RFX6: variants seen among roughly 807,000 people sequenced by gnomAD.
The protein encoded by RFX6 is DNA-binding protein RFX6.
RFX6 carries 50 observed loss-of-function variants against 110.8 expected under a neutral mutation model. The ratio of observed to expected loss-of-function variants is 0.45; its 90% CI spans 0.36 to 0.57. The LOEUF (loss-of-function observed/expected upper bound fraction) is 0.57, where lower values mean the gene tolerates loss of function less well. Among genes scored for constraint, RFX6 ranks in the 20% least tolerant of loss-of-function variants. The pLI is 0.00. For synonymous variants in RFX6, 383 were observed against 411.2 expected, an observed-to-expected ratio of 0.93 and a Z score of 0.83; for missense variants, 990 against 1,127.0, an observed-to-expected ratio of 0.88 and a Z score of 1.74.
Position 116,895,195 on chromosome 6 carries a change from G to C in RFX6, c.660G>C (p.Lys220Asn). ...GKGLTRFSGS[K>N]LKNEGGFTRK... Reference sequence around the variant, plus strand: ...ATTTTTTAAGGTTTTCTGGAAGCAAGCTAAAGAATGAGGTAAGAATTATTT... The same window carrying C: ...ATTTTTTAAGGTTTTCTGGAAGCAACCTAAAGAATGAGGTAAGAATTATTT... Residue 220 changes from lysine (K) to asparagine (N), a missense_variant, in exon 6 of 19, where the codon AAG becomes AAC. Lys to Asn is a moderately conservative substitution (Grantham distance 94). Around this residue, in one of 5 missense-constraint regions of RFX6, gnomAD observed 243 missense variants for 353.1 expected, o/e 0.69. Coordinates refer to ENST00000332958, the MANE Select transcript of RFX6 (RefSeq NM_173560.4). 3 of 1,480,870 alleles carry C rather than the reference G, an allele frequency of 2.0e-6. No homozygotes were observed. Among genetic ancestry groups the C allele is most frequent in the Non-Finnish European group, 2.8e-6 (3 of 1,060,582 alleles). 91.7% of individuals were successfully genotyped at this position (1,480,870 alleles called of 1,614,324 possible). A position where few individuals can be genotyped will look rare whatever the true frequency, so the allele number is the denominator to read the frequency against.
chr6:116,916,059 A>G lies in RFX6; in HGVS notation c.832A>G (p.Asn278Asp). The G allele has an allele frequency of 6.2e-7, 1 of 1,610,614 alleles. No individual in the cohort carries two copies. The highest frequency in any genetic ancestry group is 8.5e-7 in the Non-Finnish European group (1 of 1,177,030). ...AACTCACTGCCAGTGTATCCTGGAC[A>G]ATGCAATTAATGGAAACTTTGAAGA... is the stretch of plus-strand genomic sequence containing the variant. ...YKTHCQCILD[N>D]AINGNFEEIQ... The change falls in exon 8 of 19, where the codon AAT becomes GAT. Residue 278 changes from asparagine (N) to aspartate (D), a missense_variant. Coordinates refer to ENST00000332958, the MANE Select transcript of RFX6 (RefSeq NM_173560.4).
chr6:116,926,106 C>G (rs1232728872), intron 16 of RFX6, among the ~76,000 whole-genome samples: 2 of 152,070 alleles, frequency 1.3e-5, no homozygotes, highest in African/African-American at 2.4e-5. Flanking sequence ...CACCTGAGGT[C>G]AGGAGTTTGA....
chr6:116,895,200 A>C lies in RFX6; in HGVS notation c.665A>C (p.Lys222Thr). 3 of 1,478,178 alleles carry C rather than the reference A, an allele frequency of 2.0e-6. No individual in the cohort carries two copies. Among genetic ancestry groups the C allele is most frequent in the Non-Finnish European group, 2.8e-6 (3 of 1,057,926 alleles). The allele number at this position is 1,478,178 out of a possible 1,614,324, so 91.6% of individuals were successfully genotyped here. A position where few individuals can be genotyped will look rare whatever the true frequency, so the allele number is the denominator to read the frequency against. The change falls in exon 6 of 19, where the codon AAG becomes ACG. Residue 222 changes from lysine (K) to threonine (T), a missense_variant. Coordinates refer to ENST00000332958, the MANE Select transcript of RFX6 (RefSeq NM_173560.4). ...GLTRFSGSKL[K>T]NEGGFTRKYS... is the part of the protein sequence containing the mutation. Reference sequence around the variant, plus strand: ...TTAAGGTTTTCTGGAAGCAAGCTAAAGAATGAGGTAAGAATTATTTTCATC... The same window carrying C: ...TTAAGGTTTTCTGGAAGCAAGCTAACGAATGAGGTAAGAATTATTTTCATC...
chr6:116,893,585 A>G (rs1318846025), intron 4 of RFX6, among the ~76,000 whole-genome samples: 1 of 152,248 alleles, frequency 6.6e-6, no homozygotes, highest in African/African-American at 2.4e-5. Context: ...TTCCCTACAC[A>G]TATGGTAAAG....
chr6:116,901,774 A>T (rs904551950), intron 6 of RFX6, among the ~76,000 whole-genome samples: 1 of 152,056 alleles, frequency 6.6e-6, no homozygotes, highest in African/African-American at 2.4e-5. Flanking sequence ...GACCAAAGGA[A>T]CTCTCAAATA....
At chr6:116,910,234 G>T (rs1383949407) in intron 6 of RFX6, among the ~76,000 whole-genome samples, 1 of 152,120 alleles carries the variant, frequency 6.6e-6, no homozygotes, top group Non-Finnish European at 1.5e-5. Flanking sequence ...ATTTGCTGAG[G>T]CTCCAGTTCT....
At chr6:116,908,746 A>G (rs972246505) in intron 6 of RFX6, among the ~76,000 whole-genome samples, 3 of 151,664 alleles carry the variant, frequency 2.0e-5, no homozygotes, top group Non-Finnish European at 4.4e-5. Context: ...AGGCTAATGA[A>G]TGGTAGTGGA....
At chr6:116,913,160 G>C (rs1775391195) in intron 7 of RFX6, among the ~76,000 whole-genome samples, 1 of 152,094 alleles carries the variant, frequency 6.6e-6, no homozygotes, top group Non-Finnish European at 1.5e-5. Flanking sequence ...TTGCCTCCCT[G>C]GTTCAGTGAT....
Position 116,919,186 on chromosome 6 carries a change from G to A in RFX6, c.1072G>A (p.Val358Ile). Residue 358 changes from valine to isoleucine, a missense_variant, in exon 11 of 19, where the codon GTT becomes ATT. By Grantham distance (29) the Val-to-Ile change is conservative. Transcript: ENST00000332958. Reference sequence around the variant, plus strand: ...TGCTAAAAATTGGGAACAGTGGGTTGTTTCATCCTTGGAAAACTTGCCAGA... The same window carrying A: ...TGCTAAAAATTGGGAACAGTGGGTTATTTCATCCTTGGAAAACTTGCCAGA... Reference protein sequence around the residue: ...NFAKNWEQWVVSSLENLPEAL... With the variant: ...NFAKNWEQWVISSLENLPEAL... The A allele has an allele frequency of 6.2e-7, 1 of 1,613,660 alleles. No homozygotes were observed. The highest frequency in any genetic ancestry group is 8.5e-7 in the Non-Finnish European group (1 of 1,179,664).
chr6:116,908,314 T>A (rs890195574), intron 6 of RFX6, among the ~76,000 whole-genome samples: 12 of 152,132 alleles, frequency 7.9e-5, no homozygotes, highest in African/African-American at 2.9e-4. Flanking sequence ...ATCCATGTTG[T>A]TGCAATTGAC....
In RFX6 at chr6:116,925,474, C is replaced by T. The variant is rs748428955; in HGVS notation, c.1700C>T (p.Thr567Ile). ...KNSDASKAAF[T>I]ASPSSCFLAN... ...CCAGATGCGAGTAAAGCTGCTTTCA[C>T]TGCTTCTCCGAGTTCATGCTTTCTG... The change falls in exon 16 of 19, where the codon ACT becomes ATT. Residue 567 changes from threonine (T) to isoleucine (I), a missense_variant. Transcript: ENST00000332958. 1 of 1,614,054 alleles carries T rather than the reference C, an allele frequency of 6.2e-7. No homozygotes were observed. The highest frequency in any genetic ancestry group is 8.5e-7 in the Non-Finnish European group (1 of 1,179,888).
At position 116,927,356 on chromosome 6, in the gene RFX6, T is replaced by G. The variant is rs1157400148; in HGVS notation, c.2215T>G (p.Phe739Val). The change falls in exon 17 of 19, where the codon TTC becomes GTC. Residue 739 changes from phenylalanine to valine, a missense_variant. By Grantham distance (50) the Phe-to-Val change is conservative. Transcript: ENST00000332958. Reference sequence around the variant, plus strand: ...GACTGAACAGCAGCTTTCAAGAGACTTCTTCAGTGGCAGCTGTGCGGGGTC... The same window carrying G: ...GACTGAACAGCAGCTTTCAAGAGACGTCTTCAGTGGCAGCTGTGCGGGGTC... ...AWTEQQLSRD[F>V]FSGSCAGSPY... is the part of the protein sequence containing the mutation. 3 of 1,613,718 alleles carry G rather than the reference T, an allele frequency of 1.9e-6. No individual in the cohort carries two copies. The highest frequency in any genetic ancestry group is 1.3e-5 in the African/African-American group (1 of 74,914).
At chr6:116,923,928 A>T (rs1775656359) in intron 14 of RFX6, among the ~76,000 whole-genome samples, 1 of 152,182 alleles carries the variant, frequency 6.6e-6, no homozygotes, top group Admixed American at 6.5e-5. Flanking sequence ...ACATTATGAA[A>T]GAGATTACAA....
intron 6 of RFX6, among the ~76,000 whole-genome samples, chr6:116,907,127 A>AT (rs34272842): frequency 0.34 from 51,839 of 151,590 alleles, 9,199 homozygotes; most frequent in African/African-American, 0.43. Flanking sequence ...TGAGATTATC[A>AT]TTTTTTTATT....
Position 116,895,178 on chromosome 6 carries a change from A to C in RFX6, c.645-2A>C. 1 of 1,466,266 alleles carries C rather than the reference A, an allele frequency of 6.8e-7. No individual in the cohort carries two copies. Among genetic ancestry groups the C allele is most frequent in the Non-Finnish European group, 9.5e-7 (1 of 1,047,330 alleles). 90.8% of individuals were successfully genotyped at this position (1,466,266 alleles called of 1,614,324 possible). On this transcript the variant is annotated splice_acceptor_variant, in intron 5 of 18. Transcript: ENST00000332958. LOFTEE classifies it high-confidence loss of function. Reference sequence around the variant, plus strand: ...TAATGGAAAATGTACTAATTTTTTAAGGTTTTCTGGAAGCAAGCTAAAGAA... The same window carrying C: ...TAATGGAAAATGTACTAATTTTTTACGGTTTTCTGGAAGCAAGCTAAAGAA...
intron 7 of RFX6, among the ~76,000 whole-genome samples, chr6:116,913,680 A>C (rs59779499): frequency 0.011 from 1,696 of 152,338 alleles, 33 homozygotes; most frequent in African/African-American, 0.039. Flanking sequence ...TGTGAGTTTT[A>C]AAAATTTTGA....
chr6:116,890,098 A>G (rs1390174149), intron 4 of RFX6, among the ~76,000 whole-genome samples: 1 of 152,124 alleles, frequency 6.6e-6, no homozygotes, highest in Non-Finnish European at 1.5e-5. Context: ...AGAACTTTCT[A>G]ATTGTAAATA....
At chr6:116,908,921 A>G (rs1775272868) in intron 6 of RFX6, among the ~76,000 whole-genome samples, 1 of 152,170 alleles carries the variant, frequency 6.6e-6, no homozygotes, top group African/African-American at 2.4e-5. Flanking sequence ...GTAATAAGTG[A>G]AATTGAAATA....
At position 116,928,879 on chromosome 6, in the gene RFX6, C is replaced by T. The variant is rs1775816538; in HGVS notation, c.2519C>T (p.Pro840Leu). 1 of 1,613,642 alleles carries T rather than the reference C, an allele frequency of 6.2e-7. No homozygotes were observed. The highest frequency in any genetic ancestry group is 1.3e-5 in the African/African-American group (1 of 74,924). ...CCCCCCTACAGTGACATCCACGATC[C>T]ACTTAACATTTTAGATGACAGTGGT... ...SLPPYSDIHDPLNILDDSGRK... is the reference protein window; with the variant it reads ...SLPPYSDIHDLLNILDDSGRK... Residue 840 changes from proline (P) to leucine (L), a missense_variant, in exon 18 of 19, where the codon CCA becomes CTA. By Grantham distance (98) the Pro-to-Leu change is moderately conservative (BLOSUM62 -3). This residue lies in a region of RFX6 where 438 missense variants were observed against 441.9 expected (regional missense o/e 0.99). Transcript: ENST00000332958.
Sources: gnomAD v4.1 joint callset for allele counts (sites outside exome capture counted in the v4.1 genomes callset) on GRCh38, gnomAD v4.1.1 for gene constraint, gnomAD v4.1.1 regional missense constraint, MANE v1.5 for transcripts, NCBI Gene and HGNC (gene_info 2026-07-23, HGNC 2026-07-21) for gene names.